ADGRV1: variants seen among roughly 807,000 people sequenced by gnomAD.
The protein encoded by ADGRV1 is adhesion G protein-coupled receptor V1, also known as G-protein coupled receptor 98.
In ADGRV1, 359 loss-of-function variants were observed where a neutral mutation model predicts 596.2. The observed-to-expected ratio is 0.60, with a 90% CI of 0.55 to 0.66. The LOEUF is 0.66. Ranked by LOEUF, ADGRV1 falls within the 30% of genes least tolerant of loss-of-function variation. The probability of loss-of-function intolerance (pLI) is 0.00; values close to 1 mark genes in which losing one functional copy is unlikely to be tolerated. For missense variants in ADGRV1, 7,274 were observed against 7,575.6 expected (o/e 0.96, Z 1.48); for synonymous variants, 2,681 against 2,679.2 (o/e 1.00, Z -0.02).
rs147029145 is a variant in ADGRV1 at position 90,606,331 on chromosome 5, A to T, written c.23-8504A>T. ...TTACTCTAAGATGGTGGGTTAATCTATTTCTTTACTTGTTTTTTCATTAAA... is the reference window on the plus strand; with the variant it reads ...TTACTCTAAGATGGTGGGTTAATCTTTTTCTTTACTTGTTTTTTCATTAAA... On this transcript the variant is annotated intron_variant, in intron 1 of 89. Coordinates refer to ENST00000405460, the MANE Select transcript of ADGRV1 (RefSeq NM_032119.4). 4.0e-3 allele frequency among the ~76,000 whole-genome samples: 604 copies of T among 152,138 alleles called. 4 individuals carry two copies. Among genetic ancestry groups the T allele is most frequent in the African/African-American group, 0.013 (548 of 41,494 alleles).
intron 73 of ADGRV1, 42 bp downstream of exon 73, chr5:90,807,779 A>G: frequency 6.8e-7 from 1 of 1,468,530 alleles, no homozygotes; most frequent in Non-Finnish European, 9.1e-7. Flanking sequence ...TCTCTGAGGA[A>G]TAATCTGGAA....
At chr5:90,830,234 G>A (rs1040370222) in intron 77 of ADGRV1, among the ~76,000 whole-genome samples, 1 of 152,060 alleles carries the variant, frequency 6.6e-6, no homozygotes, top group Non-Finnish European at 1.5e-5. Flanking sequence ...AGTCCACAGT[G>A]CAGCAAACAA....
intron 9 of ADGRV1, among the ~76,000 whole-genome samples, chr5:90,633,323 T>C (rs1765738566): frequency 6.6e-6 from 1 of 152,190 alleles, no homozygotes; most frequent in African/African-American, 2.4e-5. Flanking sequence ...TAGGATTAAT[T>C]CTATAACTTT....
At position 91,163,894 on chromosome 5, in the gene ADGRV1, C is replaced by G; in HGVS notation, c.18915C>G (p.His6305Gln). 6.8e-7 allele frequency: 1 copy of G among 1,463,964 alleles called. No individual in the cohort carries two copies. Among genetic ancestry groups the G allele is most frequent in the African/African-American group, 1.4e-5 (1 of 72,186 alleles). 90.7% of individuals were successfully genotyped at this position (1,463,964 alleles called of 1,614,324 possible). Residue 6305 changes from histidine to glutamine, a missense_variant, in exon 90 of 90, where the codon CAC (histidine) becomes CAG (glutamine). Physicochemically the swap from His to Gln is conservative, Grantham distance 24. Coordinates refer to ENST00000405460, the MANE Select transcript of ADGRV1 (RefSeq NM_032119.4). ...ELRRIPIADTHL is the reference protein window; with the variant it reads ...ELRRIPIADTQL ...GGAGGATACCCATCGCCGACACTCA[C>G]CTGTAGCACCTCACTAACCATTCGA...
intron 85 of ADGRV1, among the ~76,000 whole-genome samples, chr5:91,040,419 T>A (rs1284757253): frequency 6.6e-6 from 1 of 152,152 alleles, no homozygotes; most frequent in African/African-American, 2.4e-5. Flanking sequence ...AGGACAGGAA[T>A]CCTGTGTTGG....
chr5:90,604,653 T>C (rs1313265323), intron 1 of ADGRV1, among the ~76,000 whole-genome samples: 7 of 152,162 alleles, frequency 4.6e-5, no homozygotes, highest in Admixed American at 4.6e-4. Context: ...AAATTGTTGC[T>C]GTTGATTTTT....
At chr5:91,121,325 A>G (rs1207414600) in intron 87 of ADGRV1, among the ~76,000 whole-genome samples, 1 of 152,156 alleles carries the variant, frequency 6.6e-6, no homozygotes, top group Non-Finnish European at 1.5e-5. Context: ...GCTCCTTTCT[A>G]ACTTGTTCCA....
In ADGRV1 at chr5:90,840,722, G is replaced by A. The variant is rs770432836; in HGVS notation, c.16756G>A (p.Gly5586Arg). The A allele has an allele frequency of 6.2e-7, 1 of 1,613,968 alleles. No homozygotes were observed. The highest frequency in any genetic ancestry group is 8.5e-7 in the Non-Finnish European group (1 of 1,179,876). ...GGATGTCATCCTAACGCCAGAGACAGGATCTTTAAATTCATTTCCTAAACG... is the reference window on the plus strand; with the variant it reads ...GGATGTCATCCTAACGCCAGAGACAAGATCTTTAAATTCATTTCCTAAACG... ...VLDVILTPETGSLNSFPKRFQ... is the reference protein window; with the variant it reads ...VLDVILTPETRSLNSFPKRFQ... Residue 5586 changes from glycine (G) to arginine (R), a missense_variant, in exon 78 of 90, where the codon GGA (glycine) becomes AGA (arginine). By Grantham distance (125) the Gly-to-Arg change is moderately radical. Around this residue, in one of 5 missense-constraint regions of ADGRV1, gnomAD observed 1,874 missense variants for 1,970.2 expected, o/e 0.95. Transcript: ENST00000405460.
intron 83 of ADGRV1, among the ~76,000 whole-genome samples, chr5:90,924,154 G>T (rs1774176187): frequency 6.6e-6 from 1 of 151,642 alleles, no homozygotes; most frequent in Non-Finnish European, 1.5e-5. Context: ...CCAGTAATGG[G>T]ATGGCTGGGT....
At chr5:91,087,230 C>A (rs530887597) in intron 86 of ADGRV1, among the ~76,000 whole-genome samples, 1 of 152,182 alleles carries the variant, frequency 6.6e-6, no homozygotes, top group East Asian at 1.9e-4. Flanking sequence ...TATCTCCTAC[C>A]TTTTCTTATA....
Position 90,724,509 on chromosome 5 carries a change from G to A in ADGRV1, c.9749-323G>A, listed in dbSNP as rs111868749. On this transcript the variant is annotated intron_variant, in intron 45 of 89. Transcript: ENST00000405460. ...CTCCCAAAATTCTGGGATTACAGGC[G>A]TGAGCCACCATGCCCAGCCACATTT... is the stretch of plus-strand genomic sequence containing the variant. Among the ~76,000 whole-genome samples, 1,846 of 152,236 alleles carry A rather than the reference G, an allele frequency of 0.012. 14 individuals carry two copies. The highest frequency in any genetic ancestry group is 0.044 in the Middle Eastern group (13 of 294).
At chr5:90,762,134 G>A (rs1756577972) in intron 58 of ADGRV1, among the ~76,000 whole-genome samples, 1 of 152,094 alleles carries the variant, frequency 6.6e-6, no homozygotes, top group Non-Finnish European at 1.5e-5. Context: ...ATCTACTTGT[G>A]AAACCTAAAC....
chr5:90,849,836 A>T lies in ADGRV1; in HGVS notation c.17204+1015A>T, dbSNP rs188929709. 6.5e-4 allele frequency among the ~76,000 whole-genome samples: 99 copies of T among 152,364 alleles called. 1 individual carries two copies. Among genetic ancestry groups the T allele is most frequent in the Middle Eastern group, 3.4e-3 (1 of 294 alleles). ...TGCTATAGTCCTGACATTGATTTAA[A>T]TTGAACAATATCGATTGCCTTTGTT... On this transcript the variant is annotated intron_variant, in intron 79 of 89. Transcript: ENST00000405460.
chr5:90,762,224 C>T (rs6893710), intron 58 of ADGRV1, among the ~76,000 whole-genome samples: 9,340 of 152,120 alleles, frequency 0.061, 480 homozygotes, highest in African/African-American at 0.15. Context: ...TTTCACTGGT[C>T]CCTGAGGAGT....
rs1447725958 is a variant in ADGRV1, at chr5:91,093,281, A to G, written c.18311-8938A>G. Among the ~76,000 whole-genome samples, 8 of 152,200 alleles carry G rather than the reference A, an allele frequency of 5.3e-5. No individual in the cohort carries two copies. In the East Asian group the frequency reaches 1.5e-3, roughly 29 times the overall value. On this transcript the variant is annotated intron_variant, in intron 86 of 89. Coordinates refer to ENST00000405460, the MANE Select transcript of ADGRV1 (RefSeq NM_032119.4). ...CTCATTCAGAATATTGCCACAGAGC[A>G]TTTATTTTCCTCCATGGATCATATC...
At chr5:90,567,085 T>C (rs1040063112) in intron 1 of ADGRV1, among the ~76,000 whole-genome samples, 3 of 152,156 alleles carry the variant, frequency 2.0e-5, no homozygotes, top group Non-Finnish European at 4.4e-5. Flanking sequence ...TTTTTTCTAT[T>C]AATTTGGTAC....
At chr5:91,147,696 A>G (rs768132996) in intron 87 of ADGRV1, among the ~76,000 whole-genome samples, 2 of 152,146 alleles carry the variant, frequency 1.3e-5, no homozygotes, top group Non-Finnish European at 1.5e-5. Flanking sequence ...GTATTTCTTT[A>G]TAGCAGTGTG....
rs980233294 is a variant in ADGRV1 at position 90,664,089 on chromosome 5, G to T, written c.4752+5811G>T. On this transcript the variant is annotated intron_variant, in intron 21 of 89. Transcript: ENST00000405460. ...TGTTTTGGCTTAGGATTGCCTTGGC[G>T]ATGCGGGCTCTTTTTTGGTTCCATA... is the stretch of plus-strand genomic sequence containing the variant. Among the ~76,000 whole-genome samples the T allele has an allele frequency of 2.1e-5, 3 of 145,162 alleles. No homozygotes were observed. The Admixed American group carries it at 2.1e-4, about 10-fold the overall frequency.
chr5:90,931,557 A>T (rs571622703), intron 83 of ADGRV1, among the ~76,000 whole-genome samples: 69 of 152,214 alleles, frequency 4.5e-4, no homozygotes, highest in Non-Finnish European at 6.9e-4. Context: ...TCTACCTGGA[A>T]GTCAGCATAT....
Sources: gnomAD v4.1 joint callset for allele counts (sites outside exome capture counted in the v4.1 genomes callset) on GRCh38, gnomAD v4.1.1 for gene constraint, gnomAD v4.1.1 regional missense constraint, MANE v1.5 for transcripts, NCBI Gene and HGNC (gene_info 2026-07-23, HGNC 2026-07-21) for gene names.